The following CDC42BPA variants were observed in gnomAD, a reference collection of about 807,000 sequenced individuals.
The protein encoded by CDC42BPA is serine/threonine-protein kinase MRCK alpha.
CDC42BPA carries 80 observed loss-of-function variants against 223.5 expected under a neutral mutation model. The ratio of observed to expected loss-of-function variants is 0.36; its 90% CI spans 0.30 to 0.43. The LOEUF (loss-of-function observed/expected upper bound fraction) is 0.43, where lower values mean the gene tolerates loss of function less well. CDC42BPA is among the 20% of genes least tolerant of loss of function. The pLI, the probability that CDC42BPA is intolerant of heterozygous loss-of-function variation, is 1.00. For missense variants in CDC42BPA, 1,743 were observed against 2,099.9 expected, an observed-to-expected ratio of 0.83 and a Z score of 3.32; for synonymous variants, 694 against 718.6, an observed-to-expected ratio of 0.97 and a Z score of 0.55.
intron 1 of CDC42BPA, among the ~76,000 whole-genome samples, chr1:227,273,193 G>C (rs1376010779): frequency 6.6e-6 from 1 of 152,098 alleles, no homozygotes; most frequent in Non-Finnish European, 1.5e-5. Context: ...AGCTACTCGG[G>C]AGGTTGAGGC....
chr1:227,078,417 C>G (rs1188254348), intron 17 of CDC42BPA, among the ~76,000 whole-genome samples: 1 of 152,112 alleles, frequency 6.6e-6, no homozygotes, highest in Non-Finnish European at 1.5e-5. Flanking sequence ...TTATAGATCT[C>G]TGTATCTCTT....
chr1:227,174,006 T>C (rs1251278108), intron 5 of CDC42BPA, among the ~76,000 whole-genome samples: 4 of 152,260 alleles, frequency 2.6e-5, no homozygotes, highest in Admixed American at 6.5e-5. Flanking sequence ...AACTGTAATA[T>C]AGTAACTATA....
At chr1:227,194,132 AT>A (rs1034646828) in intron 4 of CDC42BPA, among the ~76,000 whole-genome samples, 198 bp from the exon 5 acceptor site, 1 of 152,180 alleles carries the variant, frequency 6.6e-6, no homozygotes, top group African/African-American at 2.4e-5. Context: ...GTAAAACAAA[AT>A]TTTTAAAGAC....
In CDC42BPA at chr1:227,045,116, CTCTT is replaced by C. The variant is rs374552780; in HGVS notation, c.3093+2807_3093+2810del. On this transcript the variant is annotated intron_variant, in intron 23 of 36. Coordinates refer to ENST00000366766, the MANE Select transcript of CDC42BPA (RefSeq NM_001394014.1). The stretch of plus-strand genomic sequence containing the variant: ...TCCTTCTTCTATAGACCTCATGTCT[CTCTT>C]TCCTTGTCCCCTTCCTTGTTCTGGT... Among the ~76,000 whole-genome samples the C allele has an allele frequency of 8.5e-5, 13 of 152,318 alleles. No homozygotes were observed. The South Asian group carries it at 2.3e-3, about 27-fold the overall frequency.
intron 35 of CDC42BPA, 78 bp from the exon 36 acceptor site, chr1:226,995,058 G>A: frequency 7.5e-7 from 1 of 1,333,304 alleles, no homozygotes; most frequent in Non-Finnish European, 1.0e-6. Context: ...CTGCTGAGCT[G>A]ACAGGCCATC....
chr1:227,014,975 C>A (rs1451669645), intron 34 of CDC42BPA, among the ~76,000 whole-genome samples: 1 of 151,582 alleles, frequency 6.6e-6, no homozygotes, highest in Non-Finnish European at 1.5e-5. Context: ...ACTTTTTTTT[C>A]TTTTTTTGAG....
At chr1:227,010,825 A>AG in intron 34 of CDC42BPA, 1 of 1,123,918 alleles carries the variant, frequency 8.9e-7, no homozygotes, top group East Asian at 6.5e-5. Context: ...GCCAGGCAAA[A>AG]GGAAATCCAT....
chr1:227,196,338 C>CTTTTTT (rs34352900), intron 4 of CDC42BPA, among the ~76,000 whole-genome samples: 4,693 of 92,260 alleles, frequency 0.051, 980 homozygotes, highest in African/African-American at 0.18. Context: ...TTAAACAATA[C>CTTTTTT]TTTTTTTTTT....
chr1:227,184,514 A>G (rs1055717448), intron 5 of CDC42BPA, among the ~76,000 whole-genome samples: 41 of 152,166 alleles, frequency 2.7e-4, no homozygotes, highest in Admixed American at 2.1e-3. Flanking sequence ...ATGTCGTCCA[A>G]TGATCTGTGT....
chr1:227,259,158 T>TC (rs1558891136), intron 1 of CDC42BPA, among the ~76,000 whole-genome samples: 1 of 150,814 alleles, frequency 6.6e-6, no homozygotes, highest in African/African-American at 2.5e-5. Context: ...TCTGAAAATC[T>TC]CCCCCTCAGT....
At chr1:227,232,168 A>G (rs1678104543) in intron 2 of CDC42BPA, among the ~76,000 whole-genome samples, 1 of 152,186 alleles carries the variant, frequency 6.6e-6, no homozygotes, top group African/African-American at 2.4e-5. Context: ...TATAAGATGT[A>G]AGGAAGGGAT....
At chr1:227,001,036 A>G (rs1438416780) in intron 35 of CDC42BPA, among the ~76,000 whole-genome samples, 1 of 152,158 alleles carries the variant, frequency 6.6e-6, no homozygotes, top group Non-Finnish European at 1.5e-5. Context: ...GTGAGCCCCT[A>G]CTGCTGACAG....
chr1:227,030,994 A>G (rs1262652284), intron 28 of CDC42BPA, among the ~76,000 whole-genome samples: 1 of 152,174 alleles, frequency 6.6e-6, no homozygotes, highest in East Asian at 1.9e-4. Flanking sequence ...TATTTTATAT[A>G]TTAAACTCTA....
chr1:227,209,363 A>G (rs28897211), intron 3 of CDC42BPA, among the ~76,000 whole-genome samples: 1,769 of 139,660 alleles, frequency 0.013, 23 homozygotes, highest in African/African-American at 0.045. Flanking sequence ...TCTCCTGCCT[A>G]ATTGCCCTGG....
chr1:227,160,120 T>C (rs1663597356), intron 6 of CDC42BPA, among the ~76,000 whole-genome samples: 1 of 152,198 alleles, frequency 6.6e-6, no homozygotes, highest in African/African-American at 2.4e-5. Flanking sequence ...GATTCATTTG[T>C]TGAACACTAT....
intron 7 of CDC42BPA, among the ~76,000 whole-genome samples, chr1:227,146,499 T>C (rs927953217): frequency 1.3e-5 from 2 of 152,140 alleles, no homozygotes; most frequent in African/African-American, 4.8e-5. Context: ...CTAATCATAA[T>C]TGCTTCACTA....
At chr1:227,106,847 C>T (rs1686026568) in intron 14 of CDC42BPA, among the ~76,000 whole-genome samples, 1 of 152,168 alleles carries the variant, frequency 6.6e-6, no homozygotes, top group African/African-American at 2.4e-5. Context: ...GGACTTAGTA[C>T]ATTTGTCAAA....
At chr1:227,100,713 A>G (rs10916087) in intron 15 of CDC42BPA, among the ~76,000 whole-genome samples, 29,381 of 146,072 alleles carry the variant, frequency 0.2, 2,964 homozygotes, top group Middle Eastern at 0.26. Flanking sequence ...CTCAGATTAT[A>G]GGTGTGTGTG....
At chr1:227,044,492 C>G (rs373333618) in intron 23 of CDC42BPA, among the ~76,000 whole-genome samples, 2 of 152,142 alleles carry the variant, frequency 1.3e-5, no homozygotes, top group South Asian at 4.1e-4. Context: ...TATTACAATG[C>G]TTATGACAAA....
Sources: gnomAD v4.1 joint callset for allele counts (sites outside exome capture counted in the v4.1 genomes callset) on GRCh38, gnomAD v4.1.1 for gene constraint, MANE v1.5 for transcripts, NCBI Gene and HGNC (gene_info 2026-07-23, HGNC 2026-07-21) for gene names.